SUPV3L1: variants seen among roughly 807,000 people sequenced by gnomAD.
SUPV3L1 encodes the protein Suv3 like RNA helicase.
SUPV3L1 carries 35 observed loss-of-function variants against 70.0 expected under a neutral mutation model. The ratio of observed to expected loss-of-function variants is 0.50; its 90% CI spans 0.38 to 0.66. The LOEUF is 0.66. Among genes scored for constraint, SUPV3L1 ranks in the 30% least tolerant of loss-of-function variants. SUPV3L1 has a pLI of 0.00. For missense variants in SUPV3L1, 777 were observed against 961.5 expected, an observed-to-expected ratio of 0.81 and a Z score of 2.54; for synonymous variants, 364 against 341.9, an observed-to-expected ratio of 1.06 and a Z score of -0.71.
At chr10:69,189,972 T>G (rs2132277034) in intron 5 of SUPV3L1, among the ~76,000 whole-genome samples, 1 of 152,294 alleles carries the variant, frequency 6.6e-6, no homozygotes, top group South Asian at 2.1e-4. Flanking sequence ...TGCATCTTGA[T>G]TTCAGAGATA....
In SUPV3L1 at chr10:69,180,429, C is replaced by T. The variant is rs530711136; in HGVS notation, c.138C>T (p.Ala46=). ...PGVLGQVSVL[A]TASSSASGGS... ...TTCTGGGGCAAGTTTCTGTCCTTGC[C>T]ACCGCCTCCTCCTCTGCCTCCGGTG... The change falls in exon 1 of 15, where the codon GCC becomes GCT. Residue 46 remains alanine, a synonymous_variant. Coordinates refer to ENST00000359655, the MANE Select transcript of SUPV3L1 (RefSeq NM_003171.5). 1.4e-5 allele frequency: 23 copies of T among 1,614,246 alleles called. No homozygotes were observed. Among genetic ancestry groups the T allele is most frequent in the Non-Finnish European group, 1.9e-5 (23 of 1,180,048 alleles).
Position 69,180,387 on chromosome 10 carries a change from T to C in SUPV3L1, c.96T>C (p.Phe32=). The C allele has an allele frequency of 1.2e-6, 2 of 1,614,248 alleles. No individual in the cohort carries two copies. Among genetic ancestry groups the C allele is most frequent in the South Asian group, 2.2e-5 (2 of 91,088 alleles). Reference sequence around the variant, plus strand: ...TCTGCTCTGCCCTTCGTCCCCACTTTGGGCCCTTTCCCGGGGTTCTGGGGC... The same window carrying C: ...TCTGCTCTGCCCTTCGTCCCCACTTCGGGCCCTTTCCCGGGGTTCTGGGGC... ...AAICSALRPH[F]GPFPGVLGQV... The change falls in exon 1 of 15, where the codon TTT becomes TTC. Residue 32 remains phenylalanine (F), a synonymous_variant. Coordinates refer to ENST00000359655, the MANE Select transcript of SUPV3L1 (RefSeq NM_003171.5).
chr10:69,190,616 G>A lies in SUPV3L1; in HGVS notation c.742-1039G>A, dbSNP rs564635579. ...AATCTATATTCAAATTTTATCAATT[G>A]TCCAATTACACCCCATCCTCCACCC... On this transcript the variant is annotated intron_variant, in intron 5 of 14. Transcript: ENST00000359655. 5.3e-5 allele frequency among the ~76,000 whole-genome samples: 8 copies of A among 152,226 alleles called. No homozygotes were observed. The East Asian group carries it at 1.4e-3, about 26-fold the overall frequency.
rs559495551 is a variant in SUPV3L1 at position 69,200,548 on chromosome 10, C to G, written c.1518+49C>G. The G allele has an allele frequency of 1.1e-5, 16 of 1,466,814 alleles. No homozygotes were observed. In the African/African-American group the frequency reaches 1.5e-4, roughly 14 times the overall value. 90.9% of individuals were successfully genotyped at this position (1,466,814 alleles called of 1,614,324 possible). On this transcript the variant is annotated intron_variant, in intron 11 of 14. Coordinates refer to ENST00000359655, the MANE Select transcript of SUPV3L1 (RefSeq NM_003171.5). ...TGCTTCTCTGTGGAGGAGAGTCATT[C>G]TTTCCCTCACCCACCATCCAGACTC...
intron 1 of SUPV3L1, among the ~76,000 whole-genome samples, chr10:69,185,192 C>T (rs1285282287): frequency 1.3e-5 from 2 of 152,204 alleles, no homozygotes; most frequent in Non-Finnish European, 2.9e-5. Flanking sequence ...TCTGCTCCCA[C>T]TGACTTTAGT....
At chr10:69,205,149 T>G (rs12218465) in intron 13 of SUPV3L1, among the ~76,000 whole-genome samples, 1 of 152,046 alleles carries the variant, frequency 6.6e-6, no homozygotes, top group African/African-American at 2.4e-5. Context: ...AGATCTTCCA[T>G]GTCCAGATGT....
intron 11 of SUPV3L1, among the ~76,000 whole-genome samples, chr10:69,201,955 C>T (rs535596741): frequency 1.3e-5 from 2 of 152,000 alleles, no homozygotes; most frequent in African/African-American, 2.4e-5. Flanking sequence ...ATTCTCATGC[C>T]TCAGCCTCCC....
intron 1 of SUPV3L1, among the ~76,000 whole-genome samples, chr10:69,180,971 C>T (rs948397339): frequency 6.6e-6 from 1 of 152,222 alleles, no homozygotes; most frequent in East Asian, 1.9e-4. Flanking sequence ...GAGGAGGCGC[C>T]GACTCATACC....
chr10:69,189,133 T>G, intron 4 of SUPV3L1, 134 bp from the exon 5 acceptor site: 3 of 882,678 alleles, frequency 3.4e-6, no homozygotes, highest in Non-Finnish European at 4.9e-6. Flanking sequence ...ATGAAACCCA[T>G]TGTTTAGTTT....
At chr10:69,186,781 G>A (rs2132270845) in intron 3 of SUPV3L1, among the ~76,000 whole-genome samples, 1 of 152,178 alleles carries the variant, frequency 6.6e-6, no homozygotes, top group Non-Finnish European at 1.5e-5. Flanking sequence ...GAAGACTGGG[G>A]CCCAGTGAAA....
chr10:69,187,198 G>A (rs1177443965), intron 3 of SUPV3L1, among the ~76,000 whole-genome samples: 1 of 152,008 alleles, frequency 6.6e-6, no homozygotes. Flanking sequence ...TTGCCTGTTT[G>A]TACTAAAGGA....
intron 13 of SUPV3L1, among the ~76,000 whole-genome samples, chr10:69,204,808 C>G (rs1459848416): frequency 6.6e-6 from 1 of 150,950 alleles, no homozygotes; most frequent in African/African-American, 2.4e-5. Flanking sequence ...GAGTCTCACT[C>G]TGTCGCTGAG....
chr10:69,180,490 C>G lies in SUPV3L1; in HGVS notation c.199C>G (p.Leu67Val). ...ACCAAACACGTCCTTGTTCGTGCCCCTGACTGTGAAACCTCAGGGCCCCAG... is the reference window on the plus strand; with the variant it reads ...ACCAAACACGTCCTTGTTCGTGCCCGTGACTGTGAAACCTCAGGGCCCCAG... ...KIPNTSLFVP[L>V]TVKPQGPSAD... Residue 67 changes from leucine to valine, a missense_variant, in exon 1 of 15, where the codon CTG (leucine) becomes GTG (valine). Physicochemically the swap from Leu to Val is conservative, Grantham distance 32 (BLOSUM62 1). Coordinates refer to ENST00000359655, the MANE Select transcript of SUPV3L1 (RefSeq NM_003171.5). 6.2e-7 allele frequency: 1 copy of G among 1,614,282 alleles called. No individual in the cohort carries two copies. Among genetic ancestry groups the G allele is most frequent in the Non-Finnish European group, 8.5e-7 (1 of 1,180,048 alleles).
chr10:69,199,480 C>T (rs1400704480), intron 10 of SUPV3L1, among the ~76,000 whole-genome samples: 1 of 152,144 alleles, frequency 6.6e-6, no homozygotes, highest in Non-Finnish European at 1.5e-5. Flanking sequence ...CTCCTGGGCC[C>T]AAGTGATCCT....
chr10:69,200,225 A>C (rs747133146), intron 10 of SUPV3L1, 55 bp from the exon 11 acceptor site: 35 of 1,455,748 alleles, frequency 2.4e-5, no homozygotes, highest in East Asian at 6.9e-5. Context: ...GCAATGACCC[A>C]AGTATTGGAG....
In SUPV3L1 at chr10:69,189,447, A is replaced by T; in HGVS notation, c.741+12A>T. The T allele has an allele frequency of 6.4e-7, 1 of 1,558,570 alleles. No homozygotes were observed. The stretch of plus-strand genomic sequence containing the variant: ...AGAGTAATGCTGCTGTCAGTATATT[A>T]CCAAATATTTGCTCATTTTTTTCTT... On this transcript the variant is annotated intron_variant, in intron 5 of 14. Transcript: ENST00000359655.
rs1201768285 is a variant in SUPV3L1 at position 69,187,692 on chromosome 10, T to C, written c.508T>C (p.Phe170Leu). Residue 170 changes from phenylalanine to leucine, a missense_variant, in exon 4 of 15, where the codon TTT becomes CTT. Phe to Leu is a conservative substitution (Grantham distance 22). Transcript: ENST00000359655. ...PFFLRHAKQIFPVLDCKDDLR... is the reference protein window; with the variant it reads ...PFFLRHAKQILPVLDCKDDLR... ...TTTCTTGAGACATGCCAAACAAATA[T>C]TTCCTGTGTTGGACTGTAAGGATGA... The C allele has an allele frequency of 6.2e-7, 1 of 1,613,382 alleles. No individual in the cohort carries two copies. The highest frequency in any genetic ancestry group is 8.5e-7 in the Non-Finnish European group (1 of 1,179,828).
chr10:69,193,317 GAGA>G (rs1419741093), intron 6 of SUPV3L1: 2 of 152,082 alleles, frequency 1.3e-5, no homozygotes, highest in Admixed American at 6.5e-5. Context: ...TCAACTTTGT[GAGA>G]AGAATAGTTT....
rs554955861 is a variant in SUPV3L1, at chr10:69,180,642, T to C, written c.271+80T>C. On this transcript the variant is annotated intron_variant, in intron 1 of 14. Coordinates refer to ENST00000359655, the MANE Select transcript of SUPV3L1 (RefSeq NM_003171.5). The stretch of plus-strand genomic sequence containing the variant: ...TGGTTGGGAGGAAGCTACATCCCCT[T>C]CCCCTGGGGATCCGAGGTCCCATCG... 3 of 1,529,050 alleles carry C rather than the reference T, an allele frequency of 2.0e-6. No individual in the cohort carries two copies. In the East Asian group the frequency reaches 6.8e-5, roughly 34 times the overall value. The allele number at this position is 1,529,050 out of a possible 1,614,324, so 94.7% of individuals were successfully genotyped here.
Sources: allele counts gnomAD v4.1 joint callset (sites outside exome capture counted in the v4.1 genomes callset), GRCh38; gene constraint gnomAD v4.1.1; transcripts MANE v1.5; gene names NCBI Gene and HGNC (gene_info 2026-07-23, HGNC 2026-07-21).